The following ANKS1A variants were observed in gnomAD, a reference collection of about 807,000 sequenced individuals.
The protein encoded by ANKS1A is ankyrin repeat and sterile alpha motif domain containing 1A.
In ANKS1A, 55 loss-of-function variants were observed where a neutral mutation model predicts 120.3. The ratio of observed to expected loss-of-function variants is 0.46; its 90% CI spans 0.37 to 0.57. ANKS1A has a LOEUF of 0.57. Ranked by LOEUF, ANKS1A falls within the 20% of genes least tolerant of loss-of-function variation. The pLI, the probability that ANKS1A is intolerant of heterozygous loss-of-function variation, is 0.00. For synonymous variants in ANKS1A, 590 were observed against 604.7 expected (o/e 0.98, Z 0.36); for missense variants, 1,123 against 1,480.3 (o/e 0.76, Z 3.96).
At chr6:35,007,038 T>A (rs1773497600) in intron 10 of ANKS1A, among the ~76,000 whole-genome samples, 1 of 152,190 alleles carries the variant, frequency 6.6e-6, no homozygotes, top group African/African-American at 2.4e-5. Flanking sequence ...TAAGAGATTT[T>A]AAAAATTAAT....
At chr6:34,939,878 A>G (rs1190588266) in intron 1 of ANKS1A, among the ~76,000 whole-genome samples, 1 of 152,120 alleles carries the variant, frequency 6.6e-6, no homozygotes, top group African/African-American at 2.4e-5. Flanking sequence ...TTTCAGGAAT[A>G]TTTTCTACTT....
intron 13 of ANKS1A, among the ~76,000 whole-genome samples, chr6:35,063,718 T>C (rs1354526304): frequency 1.3e-5 from 2 of 152,196 alleles, no homozygotes; most frequent in Non-Finnish European, 2.9e-5. Flanking sequence ...TTTCCCACCA[T>C]GAATAGATGT....
chr6:34,907,918 A>G (rs13203394), intron 1 of ANKS1A, among the ~76,000 whole-genome samples: 5,108 of 152,296 alleles, frequency 0.034, 133 homozygotes, highest in Middle Eastern at 0.065. Context: ...CAAGCCAGGC[A>G]TGGTGGCTCA....
chr6:35,070,287 A>G (rs1252748540), intron 13 of ANKS1A, among the ~76,000 whole-genome samples: 1 of 151,700 alleles, frequency 6.6e-6, no homozygotes, highest in African/African-American at 2.4e-5. Flanking sequence ...CTTAACCCCC[A>G]TCTTCCTAGA....
At chr6:35,088,310 G>T (rs1581769118) in intron 23 of ANKS1A, among the ~76,000 whole-genome samples, 1 of 152,180 alleles carries the variant, frequency 6.6e-6, no homozygotes, top group African/African-American at 2.4e-5. Context: ...ATAGGCAGCC[G>T]TGCACACATA....
chr6:34,926,644 C>T (rs1038565638), intron 1 of ANKS1A, among the ~76,000 whole-genome samples: 2 of 152,112 alleles, frequency 1.3e-5, no homozygotes, highest in Admixed American at 1.3e-4. Flanking sequence ...GGAACACTTA[C>T]ATTAGGTAGA....
rs1317339586 is a variant in ANKS1A at position 35,085,670 on chromosome 6, C to G, written c.3133-96C>G. ...GGAGGTAGGAGCGCTCCCGGGTAGA[C>G]TTAGAGGGGGACACATGGTCCCTGC... On this transcript the variant is annotated intron_variant, in intron 21 of 23. Transcript: ENST00000360359. The surrounding 1 kb of genome is among the most constrained non-coding windows in gnomAD (Gnocchi z 4.7). The G allele has an allele frequency of 7.4e-7, 1 of 1,343,744 alleles. No individual in the cohort carries two copies. Among genetic ancestry groups the G allele is most frequent in the Non-Finnish European group, 1.0e-6 (1 of 998,950 alleles). The allele number at this position is 1,343,744 out of a possible 1,614,324, so 83.2% of individuals were successfully genotyped here.
At position 35,084,844 on chromosome 6, in the gene ANKS1A, A is replaced by T. The variant is rs1777879151; in HGVS notation, c.3132+586A>T. Reference sequence around the variant, plus strand: ...ACTGGGCCGAGGAGAGTTCATTCTCACACAGCTGCCCACAGGGAGCAGACC... The same window carrying T: ...ACTGGGCCGAGGAGAGTTCATTCTCTCACAGCTGCCCACAGGGAGCAGACC... On this transcript the variant is annotated intron_variant, in intron 21 of 23. Coordinates refer to ENST00000360359, the MANE Select transcript of ANKS1A (RefSeq NM_015245.3). The surrounding 1 kb of genome is among the most constrained non-coding windows in gnomAD (Gnocchi z 4.8). Among the ~76,000 whole-genome samples, 1 of 152,104 alleles carries T rather than the reference A, an allele frequency of 6.6e-6. No individual in the cohort carries two copies. The highest frequency in any genetic ancestry group is 2.4e-5 in the African/African-American group (1 of 41,436).
intron 11 of ANKS1A, among the ~76,000 whole-genome samples, chr6:35,047,014 G>T (rs1775752455): frequency 6.6e-6 from 1 of 152,116 alleles, no homozygotes; most frequent in Admixed American, 6.5e-5. Flanking sequence ...GTGCTCTTTT[G>T]TATGTCTTAT....
intron 1 of ANKS1A, among the ~76,000 whole-genome samples, chr6:34,912,170 T>C: frequency 6.6e-6 from 1 of 152,218 alleles, no homozygotes; most frequent in East Asian, 1.9e-4. Context: ...ACTGCATGAT[T>C]ATTAGGTAAA....
chr6:34,972,658 G>T (rs1171365351), intron 3 of ANKS1A: 1 of 983,744 alleles, frequency 1.0e-6, no homozygotes, highest in Non-Finnish European at 1.2e-6. Context: ...GTACTTTGCT[G>T]CCAGGAATTC....
intron 10 of ANKS1A, among the ~76,000 whole-genome samples, chr6:35,013,865 G>A (rs115702844): frequency 6.6e-6 from 1 of 152,186 alleles, no homozygotes; most frequent in Non-Finnish European, 1.5e-5. Flanking sequence ...TGTGAGGAAC[G>A]GAGAAGTAGT....
chr6:34,959,072 G>T (rs913738464), intron 1 of ANKS1A, among the ~76,000 whole-genome samples: 4 of 152,174 alleles, frequency 2.6e-5, no homozygotes, highest in Admixed American at 6.5e-5. Flanking sequence ...TAAAGTAGCT[G>T]GGCTACCACA....
chr6:34,981,661 C>G (rs1561888402), intron 3 of ANKS1A, 29 bp from the exon 4 acceptor site: 6 of 1,604,276 alleles, frequency 3.7e-6, no homozygotes, highest in Non-Finnish European at 5.1e-6. Flanking sequence ...AGTGACCTTT[C>G]TGATGTGATC....
At chr6:34,933,346 A>T (rs536945800) in intron 1 of ANKS1A, among the ~76,000 whole-genome samples, 12 of 152,320 alleles carry the variant, frequency 7.9e-5, no homozygotes, top group South Asian at 2.1e-4. Flanking sequence ...AAGATTTTAA[A>T]TGCATAGAAT....
At chr6:35,046,913 C>T (rs1775747266) in intron 11 of ANKS1A, among the ~76,000 whole-genome samples, 1 of 152,174 alleles carries the variant, frequency 6.6e-6, no homozygotes, top group Non-Finnish European at 1.5e-5. Flanking sequence ...CCTTCCTTAG[C>T]CAGCCAGTCC....
rs1465103370 is a variant in ANKS1A at position 35,091,213 on chromosome 6, ATC to A, written c.*2606_*2607del. 3 of 985,756 alleles carry A rather than the reference ATC, an allele frequency of 3.0e-6. No individual in the cohort carries two copies. The African/African-American group carries it at 5.2e-5, about 17-fold the overall frequency. 61.1% of individuals were successfully genotyped at this position (985,756 alleles called of 1,614,324 possible). A position where few individuals can be genotyped will look rare whatever the true frequency, so the allele number is the denominator to read the frequency against. On this transcript the variant is annotated 3_prime_UTR_variant, in exon 24 of 24. Coordinates refer to ENST00000360359, the MANE Select transcript of ANKS1A (RefSeq NM_015245.3). ...TGTTTTACTGTATATAAAATTGTTA[ATC>A]TGTCTGATTTTGTCTGAATTATAAA...
In ANKS1A at chr6:35,091,262, A is replaced by G; in HGVS notation, c.*2653A>G. ...TAAACACTTTGAGGTACCAAACATA[A>G]CCAATCTGTGCAACAACATAGACTG... On this transcript the variant is annotated 3_prime_UTR_variant, in exon 24 of 24. Transcript: ENST00000360359. The G allele has an allele frequency of 1.0e-6, 1 of 985,890 alleles. No individual in the cohort carries two copies. The highest frequency in any genetic ancestry group is 1.2e-6 in the Non-Finnish European group (1 of 829,944). 61.1% of individuals were successfully genotyped at this position (985,890 alleles called of 1,614,324 possible). A position where few individuals can be genotyped will look rare whatever the true frequency, so the allele number is the denominator to read the frequency against.
chr6:35,083,662 C>T (rs940755006), intron 20 of ANKS1A, among the ~76,000 whole-genome samples, 159 bp downstream of exon 20: 3 of 152,162 alleles, frequency 2.0e-5, no homozygotes, highest in Non-Finnish European at 4.4e-5. Context: ...AGAGGCGTGT[C>T]TCTCATCTGC....
Sources: gnomAD v4.1 joint callset for allele counts (sites outside exome capture counted in the v4.1 genomes callset) on GRCh38, gnomAD v4.1.1 for gene constraint, Gnocchi (gnomAD v3.1) non-coding constraint, MANE v1.5 for transcripts, NCBI Gene and HGNC (gene_info 2026-07-23, HGNC 2026-07-21) for gene names.